The following NRG1 variants were observed in gnomAD, a reference collection of about 807,000 sequenced individuals.
NRG1 encodes the protein neuregulin 1.
In NRG1, 18 loss-of-function variants were observed where a neutral mutation model predicts 63.8. The observed-to-expected ratio is 0.28, with a 90% CI of 0.19 to 0.42. The LOEUF is 0.42. Among genes scored for constraint, NRG1 ranks in the 10% least tolerant of loss-of-function variants. The pLI is 1.00. For missense variants in NRG1, 762 were observed against 814.7 expected (o/e 0.94, Z 0.79); for synonymous variants, 302 against 301.3 (o/e 1.00, Z -0.02).
At chr8:31,651,474 G>A (rs1183735179) in intron 1 of NRG1, among the ~76,000 whole-genome samples, 2 of 152,180 alleles carry the variant, frequency 1.3e-5, no homozygotes, top group Non-Finnish European at 2.9e-5. Flanking sequence ...TAGCACTGTT[G>A]CTGAAATGGA....
chr8:31,904,358 A>G (rs1832344920), intron 1 of NRG1, among the ~76,000 whole-genome samples: 2 of 152,192 alleles, frequency 1.3e-5, no homozygotes, highest in South Asian at 4.1e-4. Context: ...ATCTCATGCC[A>G]GTCAGATGAC....
intron 1 of NRG1, among the ~76,000 whole-genome samples, chr8:32,048,267 GTA>G (rs142035661): frequency 0.027 from 4,022 of 150,112 alleles, 180 homozygotes; most frequent in African/African-American, 0.09. Context: ...ATATATGTAT[GTA>G]TATATATGTA....
intron 1 of NRG1, among the ~76,000 whole-genome samples, chr8:31,790,287 C>T (rs552318962): frequency 3.9e-5 from 6 of 152,122 alleles, no homozygotes; most frequent in Middle Eastern, 3.4e-3. Flanking sequence ...GGACAAGAAA[C>T]TAATATGGGA....
At chr8:32,680,778 G>A (rs2128915296) in intron 5 of NRG1, among the ~76,000 whole-genome samples, 1 of 152,082 alleles carries the variant, frequency 6.6e-6, no homozygotes, top group Middle Eastern at 3.4e-3. Context: ...GTCTTCCTCT[G>A]CTAGAATATA....
chr8:32,764,418 A>C (rs753350586), exon 12 of NRG1: 7 of 1,521,496 alleles, frequency 4.6e-6, no homozygotes, highest in Non-Finnish European at 6.2e-6. Context: ...AAATAAACAC[A>C]TAGATTCACC....
intron 5 of NRG1, among the ~76,000 whole-genome samples, chr8:32,631,464 C>T (rs1457868764): frequency 2.6e-5 from 4 of 152,164 alleles, no homozygotes; most frequent in Admixed American, 2.0e-4. Flanking sequence ...CTGGGGTAAG[C>T]GACACAGCCG....
At chr8:32,113,350 C>G (rs1832285871) in intron 1 of NRG1, among the ~76,000 whole-genome samples, 3 of 152,128 alleles carry the variant, frequency 2.0e-5, no homozygotes, top group Admixed American at 2.0e-4. Flanking sequence ...AACTGCTCTC[C>G]TCTTTCAGTT....
chr8:32,071,552 C>T (rs772464288), intron 1 of NRG1, among the ~76,000 whole-genome samples: 10 of 152,140 alleles, frequency 6.6e-5, no homozygotes, highest in Non-Finnish European at 1.3e-4. Context: ...CTTCCTTCTG[C>T]GCCGTTAACT....
chr8:31,922,004 A>G (rs1039524701), intron 1 of NRG1, among the ~76,000 whole-genome samples: 2 of 152,072 alleles, frequency 1.3e-5, no homozygotes, highest in Non-Finnish European at 2.9e-5. Flanking sequence ...ATCATTTACT[A>G]TTTCCTAAGT....
At chr8:31,706,812 A>G (rs954321718) in intron 1 of NRG1, among the ~76,000 whole-genome samples, 1 of 152,128 alleles carries the variant, frequency 6.6e-6, no homozygotes, top group Admixed American at 6.5e-5. Context: ...ACATATTTTC[A>G]TATATTTGAG....
At chr8:31,843,465 C>T (rs1431896729) in intron 1 of NRG1, among the ~76,000 whole-genome samples, 1 of 152,130 alleles carries the variant, frequency 6.6e-6, no homozygotes, top group Non-Finnish European at 1.5e-5. Flanking sequence ...GCCTACTTCT[C>T]CTATAAGGCT....
At chr8:32,265,556 A>C (rs1451980281) in intron 1 of NRG1, among the ~76,000 whole-genome samples, 2 of 152,182 alleles carry the variant, frequency 1.3e-5, no homozygotes, top group Non-Finnish European at 2.9e-5. Flanking sequence ...AAACTAATGT[A>C]GGCTGGGTGG....
chr8:31,825,223 A>C (rs1184489455), intron 1 of NRG1, among the ~76,000 whole-genome samples: 1 of 152,092 alleles, frequency 6.6e-6, no homozygotes, highest in South Asian at 2.1e-4. Flanking sequence ...CCCCTTCTCT[A>C]CTAAAAATAC....
At chr8:32,208,968 T>C (rs567932831) in intron 1 of NRG1, among the ~76,000 whole-genome samples, 2 of 152,312 alleles carry the variant, frequency 1.3e-5, no homozygotes, top group South Asian at 4.1e-4. Context: ...ATATATCATG[T>C]AGATGAGTGC....
chr8:31,653,027 TC>T (rs1805052702), intron 1 of NRG1, among the ~76,000 whole-genome samples: 1 of 79,414 alleles, frequency 1.3e-5, no homozygotes, highest in Non-Finnish European at 2.3e-5. Context: ...CCCCTCCCCT[TC>T]TCTCCCCTCC....
intron 1 of NRG1, among the ~76,000 whole-genome samples, chr8:32,086,200 A>G (rs10503898): frequency 0.06 from 9,167 of 152,280 alleles, 813 homozygotes; most frequent in African/African-American, 0.19. Context: ...AACTAGCTTA[A>G]TATTTTAGAG....
At position 32,145,099 on chromosome 8, in the gene NRG1, C is replaced by T. The variant is rs148406426; in HGVS notation, c.38-450729C>T. 9.5e-4 allele frequency among the ~76,000 whole-genome samples: 145 copies of T among 152,274 alleles called. 2 individuals carry two copies. In the East Asian group the frequency reaches 0.013, roughly 14 times the overall value. On this transcript the variant is annotated intron_variant, in intron 1 of 10. Transcript: ENST00000519301. ...CAGAGTGACACCTGGTTTAGCCAAC[C>T]ACGTGGAAAAAACTAAGGGTTTAGA...
intron 1 of NRG1, among the ~76,000 whole-genome samples, chr8:31,745,829 C>A (rs1393124153): frequency 6.6e-6 from 1 of 151,634 alleles, no homozygotes; most frequent in Non-Finnish European, 1.5e-5. Flanking sequence ...GGAAAGAATT[C>A]AAAAGAAGGG....
exon 12 of NRG1, chr8:32,767,806 C>T (rs1831545468): frequency 6.6e-6 from 1 of 151,902 alleles, no homozygotes; most frequent in African/African-American, 2.4e-5. Flanking sequence ...GTAACTGAAA[C>T]TATCTGAAGA....
Sources: allele counts gnomAD v4.1 joint callset (sites outside exome capture counted in the v4.1 genomes callset), GRCh38; gene constraint gnomAD v4.1.1; transcripts MANE v1.5; gene names NCBI Gene and HGNC (gene_info 2026-07-23, HGNC 2026-07-21).